ZWILCH: variants seen among roughly 807,000 people sequenced by gnomAD.
ZWILCH encodes the protein zwilch kinetochore protein.
Under a neutral mutation model 79.9 loss-of-function variants are expected in ZWILCH, and 74 were observed. That is an observed-to-expected ratio of 0.93 (90% CI 0.77 to 1.12). The LOEUF (loss-of-function observed/expected upper bound fraction) is 1.12. Among genes scored for constraint, ZWILCH ranks in the 50% most tolerant of loss-of-function variants. The probability of loss-of-function intolerance (pLI) is 0.00; values close to 1 mark genes in which losing one functional copy is unlikely to be tolerated. For synonymous variants in ZWILCH, 241 were observed against 228.2 expected, an observed-to-expected ratio of 1.06 and a Z score of -0.51; for missense variants, 694 against 687.5, an observed-to-expected ratio of 1.01 and a Z score of -0.11.
chr15:66,523,496 G>C (rs963630007), intron 7 of ZWILCH, 181 bp from the exon 8 acceptor site: 3 of 526,082 alleles, frequency 5.7e-6, no homozygotes, highest in African/African-American at 5.6e-5. Flanking sequence ...ATTGGGTCAA[G>C]ATGGCAAAAT....
At chr15:66,536,526 AGGTTATTT>A (rs1895021045) in intron 15 of ZWILCH, among the ~76,000 whole-genome samples, 1 of 152,294 alleles carries the variant, frequency 6.6e-6, no homozygotes, top group Non-Finnish European at 1.5e-5. Context: ...GTTTGACTAG[AGGTTATTT>A]GGAAAAATTC....
chr15:66,536,131 TA>T, intron 15 of ZWILCH, 62 bp downstream of exon 15: 3 of 1,417,466 alleles, frequency 2.1e-6, no homozygotes, highest in Non-Finnish European at 1.9e-6. Context: ...AGTTACAGCC[TA>T]AATATGTACA....
intron 10 of ZWILCH, 48 bp downstream of exon 10, chr15:66,527,960 A>C: frequency 6.6e-7 from 1 of 1,506,356 alleles, no homozygotes; most frequent in Non-Finnish European, 9.0e-7. Context: ...TAGCTTTTAA[A>C]ATTCGGTTAT....
intron 17 of ZWILCH, among the ~76,000 whole-genome samples, chr15:66,544,728 G>T (rs199715981): frequency 3.1e-4 from 42 of 134,098 alleles, no homozygotes; most frequent in Admixed American, 5.5e-4. Context: ...TGGTTTTTGT[G>T]TGTGTGTGTG....
At chr15:66,516,563 T>C (rs569413477) in intron 4 of ZWILCH, among the ~76,000 whole-genome samples, 4 of 151,120 alleles carry the variant, frequency 2.6e-5, no homozygotes, top group Non-Finnish European at 4.4e-5. Flanking sequence ...TGGAGTGCAA[T>C]GGTGCGATCT....
chr15:66,532,936 A>G, intron 13 of ZWILCH, 49 bp from the exon 14 acceptor site: 2 of 1,339,716 alleles, frequency 1.5e-6, no homozygotes, highest in Non-Finnish European at 2.0e-6. Flanking sequence ...TTAATATGTA[A>G]TAGAAAATAC....
chr15:66,540,341 C>T (rs1895154915), intron 17 of ZWILCH, 131 bp downstream of exon 17: 6 of 618,210 alleles, frequency 9.7e-6, no homozygotes, highest in South Asian at 5.8e-5. Context: ...TGTGTGAGCT[C>T]AGGAGTTTGA....
At chr15:66,517,980 C>T (rs890466218) in intron 4 of ZWILCH, among the ~76,000 whole-genome samples, 2 of 151,830 alleles carry the variant, frequency 1.3e-5, no homozygotes, top group Non-Finnish European at 2.9e-5. Context: ...ATCTGCCCAC[C>T]TCGGCCTCCC....
At chr15:66,517,973 T>C (rs1894349887) in intron 4 of ZWILCH, among the ~76,000 whole-genome samples, 2 of 151,756 alleles carry the variant, frequency 1.3e-5, no homozygotes, top group Admixed American at 6.6e-5. Context: ...CCTCGTGATC[T>C]GCCCACCTCG....
intron 16 of ZWILCH, among the ~76,000 whole-genome samples, chr15:66,539,098 C>T (rs1308972789): frequency 6.6e-6 from 1 of 152,100 alleles, no homozygotes; most frequent in African/African-American, 2.4e-5. Flanking sequence ...TTTTCCTCCT[C>T]CCATACTTTG....
intron 12 of ZWILCH, among the ~76,000 whole-genome samples, chr15:66,530,552 G>A (rs761487890): frequency 6.6e-6 from 1 of 152,160 alleles, no homozygotes; most frequent in African/African-American, 2.4e-5. Context: ...CAGGAGAATT[G>A]CTTGAACCCA....
chr15:66,531,219 A>G (rs1894841471), intron 12 of ZWILCH, among the ~76,000 whole-genome samples: 1 of 152,198 alleles, frequency 6.6e-6, no homozygotes, highest in Non-Finnish European at 1.5e-5. Flanking sequence ...ATGAACATGC[A>G]TGGACCATTG....
intron 2 of ZWILCH, among the ~76,000 whole-genome samples, chr15:66,512,813 T>C (rs1029111342): frequency 4.6e-5 from 7 of 151,692 alleles, no homozygotes; most frequent in African/African-American, 1.5e-4. Context: ...TTTTACTTTT[T>C]AAGATGGAGT....
At chr15:66,529,900 T>C (rs1300645813) in intron 12 of ZWILCH, among the ~76,000 whole-genome samples, 1 of 152,250 alleles carries the variant, frequency 6.6e-6, no homozygotes, top group African/African-American at 2.4e-5. Flanking sequence ...AGTATTCTCA[T>C]ATACTACTGA....
intron 1 of ZWILCH, among the ~76,000 whole-genome samples, chr15:66,506,169 A>G (rs1893808828): frequency 1.3e-5 from 2 of 152,096 alleles, no homozygotes; most frequent in Admixed American, 1.3e-4. Flanking sequence ...TGATTTCCTA[A>G]ATGTTATAAT....
At chr15:66,529,661 G>T in intron 12 of ZWILCH, 88 bp downstream of exon 12, 1 of 987,278 alleles carries the variant, frequency 1.0e-6, no homozygotes, top group South Asian at 1.4e-5. Context: ...GCCTGAGTCT[G>T]AATTTCAGCT....
intron 2 of ZWILCH, among the ~76,000 whole-genome samples, chr15:66,513,177 C>T (rs1046944423): frequency 7.9e-5 from 12 of 152,154 alleles, no homozygotes; most frequent in African/African-American, 1.9e-4. Flanking sequence ...GTGATGTATC[C>T]GCCTCGGCCT....
chr15:66,515,759 C>A (rs948201574), intron 4 of ZWILCH, 115 bp downstream of exon 4: 1 of 747,078 alleles, frequency 1.3e-6, no homozygotes, highest in African/African-American at 1.8e-5. Flanking sequence ...ATCTCCCCCA[C>A]CCCCTGATAA....
At chr15:66,520,738 C>G in intron 6 of ZWILCH, 78 bp downstream of exon 6, 1 of 944,064 alleles carries the variant, frequency 1.1e-6, no homozygotes, top group Admixed American at 2.7e-5. Context: ...GGTTTTTTTT[C>G]ACTCCTAAGA....
Sources: gnomAD v4.1 joint callset for allele counts (sites outside exome capture counted in the v4.1 genomes callset) on GRCh38, gnomAD v4.1.1 for gene constraint, MANE v1.5 for transcripts, NCBI Gene and HGNC (gene_info 2026-07-23, HGNC 2026-07-21) for gene names.